The following POLN variants were observed in gnomAD, a reference collection of about 807,000 sequenced individuals.
The protein encoded by POLN is DNA polymerase nu, also known as DNA polymerase N.
A neutral mutation model predicts 113.5 loss-of-function variants in POLN; 108 were observed. The observed-to-expected ratio is 0.95, with a 90% CI of 0.81 to 1.12. POLN has a LOEUF of 1.12. Ranked by LOEUF, POLN falls within the 50% of genes most tolerant of loss-of-function variation. The probability of loss-of-function intolerance (pLI) is 0.00; values close to 1 mark genes in which losing one functional copy is unlikely to be tolerated. For missense variants in POLN, 1,097 were observed against 1,077.1 expected (o/e 1.02, Z -0.26); for synonymous variants, 386 against 391.5 (o/e 0.99, Z 0.17).
chr4:2,132,079 C>T (rs916942793), intron 16 of POLN, among the ~76,000 whole-genome samples: 4 of 152,042 alleles, frequency 2.6e-5, no homozygotes, highest in African/African-American at 9.7e-5. Context: ...CCCTAGAAGC[C>T]CTGGGAAGTG....
chr4:2,222,641 C>G (rs1170189736), intron 3 of POLN, among the ~76,000 whole-genome samples: 1 of 152,066 alleles, frequency 6.6e-6, no homozygotes, highest in Admixed American at 6.5e-5. Flanking sequence ...TATAGGCTGC[C>G]CAGGAAGCCC....
Position 2,184,748 on chromosome 4 carries a change from C to T in POLN, c.1022-5283G>A, listed in dbSNP as rs541890310. Among the ~76,000 whole-genome samples, 2 of 152,164 alleles carry T rather than the reference C, an allele frequency of 1.3e-5. 1 individual carries two copies. Among genetic ancestry groups the T allele is most frequent in the South Asian group, 4.1e-4 (2 of 4,830 alleles). On this transcript the variant is annotated intron_variant, in intron 7 of 25. Transcript: ENST00000511885. ...ATGCACAAGATGACCTGGAAACATC[C>T]TACCATACCACAAATCAAAGAAGAT...
chr4:2,168,288 G>A (rs1054356109), intron 13 of POLN, among the ~76,000 whole-genome samples: 1 of 152,160 alleles, frequency 6.6e-6, no homozygotes, highest in African/African-American at 2.4e-5. Context: ...GGCAGGGAGG[G>A]GACAGGCGCT....
At chr4:2,240,475 T>C (rs749593181) in intron 2 of POLN, 23 of 1,613,784 alleles carry the variant, frequency 1.4e-5, no homozygotes, top group Admixed American at 1.0e-4. Flanking sequence ...TTAGTGATCA[T>C]TGCATTTAGA....
rs531828683 is a variant in POLN at position 2,151,593 on chromosome 4, A to G, written c.1731+5195T>C. 2.6e-5 allele frequency among the ~76,000 whole-genome samples: 4 copies of G among 152,356 alleles called. No individual in the cohort carries two copies. In the East Asian group the frequency reaches 7.7e-4, roughly 29 times the overall value. The stretch of plus-strand genomic sequence containing the variant: ...ATATTGATCAACAGGTGAACTCATA[A>G]ACAAAGTGGGGTACACACAGTCCAT... On this transcript the variant is annotated intron_variant, in intron 16 of 25. Transcript: ENST00000511885.
chr4:2,147,659 TGAGACAAA>T (rs1732182812), intron 16 of POLN, among the ~76,000 whole-genome samples: 3 of 138,014 alleles, frequency 2.2e-5, no homozygotes, highest in Non-Finnish European at 1.6e-5. Flanking sequence ...TTTTTTTTTT[TGAGACAAA>T]GTTTCACTCT....
chr4:2,113,903 ATG>A (rs969931193), intron 19 of POLN, among the ~76,000 whole-genome samples: 21 of 142,526 alleles, frequency 1.5e-4, no homozygotes, highest in Non-Finnish European at 2.1e-4. Flanking sequence ...AATAATAATA[ATG>A]TCTTTTTTTT....
chr4:2,084,162 G>A (rs1730496596), intron 21 of POLN, among the ~76,000 whole-genome samples: 1 of 152,236 alleles, frequency 6.6e-6, no homozygotes, highest in South Asian at 2.1e-4. Flanking sequence ...CTATTCTCAG[G>A]GGTGGCTTTG....
At chr4:2,237,339 G>C (rs935856261) in intron 2 of POLN, among the ~76,000 whole-genome samples, 5 of 151,276 alleles carry the variant, frequency 3.3e-5, no homozygotes, top group Admixed American at 1.3e-4. Flanking sequence ...AGGAAGTTGA[G>C]GCAGGAGGAT....
intron 19 of POLN, among the ~76,000 whole-genome samples, chr4:2,125,806 G>A (rs988069096): frequency 6.6e-6 from 1 of 152,174 alleles, no homozygotes; most frequent in Admixed American, 6.5e-5. Flanking sequence ...TCAGTGGGGT[G>A]CAGGCAAGAC....
At chr4:2,158,009 T>A in intron 14 of POLN, 98 bp from the exon 15 acceptor site, 2 of 862,372 alleles carry the variant, frequency 2.3e-6, no homozygotes, top group South Asian at 1.7e-5. Flanking sequence ...TGGAGTGCAG[T>A]GGCGTGATCT....
chr4:2,118,969 C>T (rs1460821575), intron 19 of POLN, among the ~76,000 whole-genome samples: 1 of 152,222 alleles, frequency 6.6e-6, no homozygotes, highest in Non-Finnish European at 1.5e-5. Flanking sequence ...GTCACTTTTA[C>T]TCATGTTCCA....
chr4:2,129,078 A>T, intron 18 of POLN, 101 bp downstream of exon 18: 3 of 741,548 alleles, frequency 4.0e-6, no homozygotes, highest in Non-Finnish European at 6.3e-6. Context: ...AAAAAAAAAG[A>T]ATTTATTTGA....
intron 5 of POLN, among the ~76,000 whole-genome samples, chr4:2,202,475 G>A (rs1733741136): frequency 6.6e-6 from 1 of 152,178 alleles, no homozygotes; most frequent in African/African-American, 2.4e-5. Context: ...TGTAATCCCA[G>A]CACTTTGGGA....
intron 2 of POLN, chr4:2,238,894 C>T (rs772772866): frequency 6.2e-6 from 10 of 1,613,230 alleles, no homozygotes; most frequent in South Asian, 1.1e-5. Context: ...CAAAATCTCC[C>T]TTTACCACTG....
intron 16 of POLN, among the ~76,000 whole-genome samples, chr4:2,135,863 G>C (rs975921448): frequency 6.6e-6 from 1 of 152,236 alleles, no homozygotes; most frequent in South Asian, 2.1e-4. Context: ...GGAACCGTTC[G>C]TGGAAGAAGA....
intron 19 of POLN, among the ~76,000 whole-genome samples, chr4:2,121,452 A>AT (rs60338777): frequency 0.018 from 2,319 of 125,566 alleles, 39 homozygotes; most frequent in African/African-American, 0.045. Context: ...AAAAAAAAAA[A>AT]ATATATATAT....
intron 16 of POLN, among the ~76,000 whole-genome samples, chr4:2,135,612 C>A (rs528649321): frequency 6.6e-6 from 1 of 152,312 alleles, no homozygotes; most frequent in East Asian, 1.9e-4. Context: ...CTACCAAAGA[C>A]CGAGGGTGAC....
chr4:2,083,658 G>A lies in POLN; in HGVS notation c.2198-1915C>T, dbSNP rs35012538. Among the ~76,000 whole-genome samples the A allele has an allele frequency of 7.5e-4, 114 of 152,360 alleles. 1 individual carries two copies. The highest frequency in any genetic ancestry group is 6.1e-3 in the Admixed American group (93 of 15,310). On this transcript the variant is annotated intron_variant, in intron 21 of 25. Transcript: ENST00000511885. ...GGCCCTTTGTGGTGATGCTCGCATG[G>A]CACCAATGCTCCTGGAAGCCACTCC...
Sources: allele counts gnomAD v4.1 joint callset (sites outside exome capture counted in the v4.1 genomes callset), GRCh38; gene constraint gnomAD v4.1.1; transcripts MANE v1.5; gene names NCBI Gene and HGNC (gene_info 2026-07-23, HGNC 2026-07-21).